EVC: variants seen among roughly 807,000 people sequenced by gnomAD.
EVC encodes EvC ciliary complex subunit 1.
EVC carries 116 observed loss-of-function variants against 118.9 expected under a neutral mutation model. The ratio of observed to expected loss-of-function variants is 0.98; its 90% CI spans 0.84 to 1.14. The LOEUF is 1.14. EVC is among the 50% of genes most tolerant of loss of function. EVC has a pLI of 0.00. For synonymous variants in EVC, 619 were observed against 534.7 expected, an observed-to-expected ratio of 1.16 and a Z score of -2.18; for missense variants, 1,401 against 1,246.4, an observed-to-expected ratio of 1.12 and a Z score of -1.87.
In EVC at chr4:5,811,397, C is replaced by G; in HGVS notation, c.*360C>G. On this transcript the variant is annotated 3_prime_UTR_variant, in exon 21 of 21. Transcript: ENST00000264956. ...TGGAATCCCTGGCCCAAAGGCCTGT[C>G]TGGGCCCATCTGGGGCTGAGGACAC... The G allele has an allele frequency of 3.0e-6, 1 of 332,020 alleles. No individual in the cohort carries two copies. The highest frequency in any genetic ancestry group is 5.8e-6 in the Non-Finnish European group (1 of 173,832). The allele number at this position is 332,020 out of a possible 1,614,324, so 20.6% of individuals were successfully genotyped here. A position where few individuals can be genotyped will look rare whatever the true frequency, so the allele number is the denominator to read the frequency against.
intron 16 of EVC, among the ~76,000 whole-genome samples, chr4:5,804,230 G>A (rs534459843): frequency 9.2e-5 from 14 of 152,208 alleles, no homozygotes; most frequent in Middle Eastern, 6.8e-3. Flanking sequence ...GAGCCACCTC[G>A]CCCGGCCTCA....
At chr4:5,810,587 T>TA (rs1716752796) in intron 20 of EVC, 137 bp downstream of exon 20, 1 of 742,252 alleles carries the variant, frequency 1.3e-6, no homozygotes, top group African/African-American at 1.8e-5. Context: ...AAATGACAGA[T>TA]ATGAACGTAA....
At chr4:5,753,660 G>A (rs2152080219) in intron 9 of EVC, 125 bp from the exon 10 acceptor site, 1 of 1,246,132 alleles carries the variant, frequency 8.0e-7, no homozygotes, top group Non-Finnish European at 1.2e-6. Context: ...CACCAGCAGG[G>A]CGGGCACCAT....
intron 11 of EVC, among the ~76,000 whole-genome samples, chr4:5,765,675 T>C: frequency 7.9e-6 from 1 of 126,294 alleles, no homozygotes; most frequent in East Asian, 2.6e-4. Context: ...CTTTGTCTCT[T>C]TTGATCTTTG....
At chr4:5,740,305 T>C (rs1194649620) in intron 5 of EVC, among the ~76,000 whole-genome samples, 1 of 152,010 alleles carries the variant, frequency 6.6e-6, no homozygotes, top group Non-Finnish European at 1.5e-5. Context: ...ACCTCGTCTC[T>C]ACTAAAAATA....
intron 2 of EVC, among the ~76,000 whole-genome samples, chr4:5,722,078 C>T (rs1202190657): frequency 6.6e-6 from 1 of 152,180 alleles, no homozygotes; most frequent in Non-Finnish European, 1.5e-5. Context: ...AGTCCCAGCT[C>T]TGCCACATGT....
At chr4:5,715,595 A>G (rs1336724636) in intron 1 of EVC, among the ~76,000 whole-genome samples, 1 of 152,170 alleles carries the variant, frequency 6.6e-6, no homozygotes, top group Non-Finnish European at 1.5e-5. Context: ...ATCCTTCAGT[A>G]GCTTTTTCAA....
chr4:5,711,497 C>T lies in EVC; in HGVS notation c.117C>T (p.Gly39=), dbSNP rs1424931005. 9 of 1,135,714 alleles carry T rather than the reference C, an allele frequency of 7.9e-6. No individual in the cohort carries two copies. The highest frequency in any genetic ancestry group is 9.7e-6 in the Non-Finnish European group (9 of 927,878). 70.4% of individuals were successfully genotyped at this position (1,135,714 alleles called of 1,614,324 possible). Residue 39 remains glycine, a synonymous_variant, in exon 1 of 21, where the codon GGC becomes GGT. Transcript: ENST00000264956. ...CCGTGCTGCTGGGCGCCGCGCTCGG[C>T]CTCGGCCTCGGCCTTTGGCTTGGCT... ...APAVLLGAAL[G]LGLGLWLGCR...
intron 14 of EVC, 93 bp downstream of exon 14, chr4:5,797,325 T>C: frequency 9.2e-7 from 1 of 1,085,642 alleles, no homozygotes; most frequent in Non-Finnish European, 1.4e-6. Flanking sequence ...ACCCGAATCC[T>C]ATCACCCTTG....
chr4:5,760,606 G>A (rs1731858427), intron 11 of EVC, among the ~76,000 whole-genome samples: 1 of 152,140 alleles, frequency 6.6e-6, no homozygotes, highest in Admixed American at 6.5e-5. Context: ...AGGCTGGAGT[G>A]CAATGGTGCG....
chr4:5,760,036 G>C (rs909602076), intron 11 of EVC, among the ~76,000 whole-genome samples: 1 of 152,106 alleles, frequency 6.6e-6, no homozygotes, highest in Non-Finnish European at 1.5e-5. Context: ...GAGATAAACA[G>C]TTGCATTCTT....
intron 19 of EVC, 69 bp from the exon 20 acceptor site, chr4:5,810,270 T>G: frequency 5.2e-5 from 65 of 1,244,554 alleles, no homozygotes; most frequent in South Asian, 6.3e-5. Flanking sequence ...TGGGTTGGTG[T>G]GAGGCTGCAA....
intron 13 of EVC, among the ~76,000 whole-genome samples, chr4:5,794,392 TTA>T (rs1362463018): frequency 1.5e-4 from 21 of 136,698 alleles, no homozygotes; most frequent in Admixed American, 1.2e-3. Context: ...TATATATTTT[TTA>T]TATATATATA....
At chr4:5,790,802 A>G (rs1712627065) in intron 12 of EVC, among the ~76,000 whole-genome samples, 1 of 152,214 alleles carries the variant, frequency 6.6e-6, no homozygotes, top group Admixed American at 6.5e-5. Flanking sequence ...AATGAAAATT[A>G]TAGTAATGAG....
intron 17 of EVC, among the ~76,000 whole-genome samples, chr4:5,806,689 C>G (rs1237969486): frequency 6.6e-6 from 1 of 152,152 alleles, no homozygotes; most frequent in African/African-American, 2.4e-5. Context: ...GATTTATTTT[C>G]CTTTGGGTAG....
At chr4:5,720,683 G>A (rs1302734382) in intron 2 of EVC, among the ~76,000 whole-genome samples, 3 of 152,342 alleles carry the variant, frequency 2.0e-5, no homozygotes, top group Non-Finnish European at 4.4e-5. Context: ...GGGGGGCATT[G>A]CCCTGCCCTT....
At chr4:5,793,478 T>A in intron 12 of EVC, 130 bp from the exon 13 acceptor site, 3 of 807,022 alleles carry the variant, frequency 3.7e-6, no homozygotes, top group Non-Finnish European at 6.4e-6. Flanking sequence ...AAAATGTTAA[T>A]GAAATCGGGG....
At chr4:5,825,099 G>C in the EVC span, 5 of 985,410 alleles carry the variant, frequency 5.1e-6, no homozygotes, top group South Asian at 4.7e-5. The surrounding 1 kb of genome is among the most constrained non-coding windows in gnomAD (Gnocchi z 4.4). Flanking sequence ...TGGGTGAACA[G>C]GCTAAAGACT....
rs1379351113 is a variant in EVC, at chr4:5,737,564, A to G, written c.702+4129A>G. Among the ~76,000 whole-genome samples the G allele has an allele frequency of 6.6e-6, 1 of 152,206 alleles. No individual in the cohort carries two copies. The highest frequency in any genetic ancestry group is 1.5e-5 in the Non-Finnish European group (1 of 68,022). On this transcript the variant is annotated intron_variant, in intron 5 of 20. Coordinates refer to ENST00000264956, the MANE Select transcript of EVC (RefSeq NM_153717.3). This position sits in a 1 kb window ranked among gnomAD's most constrained non-coding sequence, Gnocchi z 5.0. ...GGGGCTAATGCGGGAGATGACTTTA[A>G]GTTGAAGCCAGTGCTCATGCACCAC...
Sources: allele counts gnomAD v4.1 joint callset (sites outside exome capture counted in the v4.1 genomes callset), GRCh38; gene constraint gnomAD v4.1.1; non-coding constraint Gnocchi (gnomAD v3.1); transcripts MANE v1.5; gene names NCBI Gene and HGNC (gene_info 2026-07-23, HGNC 2026-07-21).